The following LINGO2 variants were observed in gnomAD, a reference collection of about 807,000 sequenced individuals.
LINGO2 encodes the protein leucine rich repeat and Ig domain containing 2.
LINGO2 carries 14 observed loss-of-function variants against 30.6 expected under a neutral mutation model. That is an observed-to-expected ratio of 0.46 (90% CI 0.30 to 0.72). The LOEUF (loss-of-function observed/expected upper bound fraction) is 0.72. Among genes scored for constraint, LINGO2 ranks in the 30% least tolerant of loss-of-function variants. LINGO2 has a pLI of 0.07. For missense variants in LINGO2, 729 were observed against 751.7 expected, an observed-to-expected ratio of 0.97 and a Z score of 0.35; for synonymous variants, 317 against 288.5, an observed-to-expected ratio of 1.10 and a Z score of -1.00.
chr9:28,508,670 G>A (rs1179231664), intron 1 of LINGO2, among the ~76,000 whole-genome samples: 1 of 151,896 alleles, frequency 6.6e-6, no homozygotes, highest in East Asian at 1.9e-4. Flanking sequence ...CTAAGCAGAA[G>A]GTTGGTTATT....
At chr9:28,011,960 A>G (rs1415137538) in intron 5 of LINGO2, among the ~76,000 whole-genome samples, 1 of 150,704 alleles carries the variant, frequency 6.6e-6, no homozygotes, top group Non-Finnish European at 1.5e-5. Context: ...GGACAGTCAC[A>G]TTGTGTGGGT....
chr9:28,528,017 C>A (rs1015276779), intron 1 of LINGO2, among the ~76,000 whole-genome samples: 1 of 152,062 alleles, frequency 6.6e-6, no homozygotes, highest in Non-Finnish European at 1.5e-5. Flanking sequence ...TCAAAAATAT[C>A]CAATTTATTT....
chr9:28,568,438 T>C (rs1823504168), intron 1 of LINGO2, among the ~76,000 whole-genome samples: 1 of 152,044 alleles, frequency 6.6e-6, no homozygotes, highest in African/African-American at 2.4e-5. Flanking sequence ...CTAGTTTACC[T>C]ATATTATAAC....
chr9:28,278,309 T>C (rs1823201205), intron 4 of LINGO2, among the ~76,000 whole-genome samples: 1 of 152,204 alleles, frequency 6.6e-6, no homozygotes, highest in Non-Finnish European at 1.5e-5. Flanking sequence ...GTTAAGATCA[T>C]TGACAGAGAT....
At chr9:27,993,479 G>T (rs912399943) in intron 5 of LINGO2, among the ~76,000 whole-genome samples, 19 of 152,196 alleles carry the variant, frequency 1.2e-4, no homozygotes, top group African/African-American at 4.3e-4. Context: ...TGAGGCTACA[G>T]TGATTCATGA....
chr9:28,186,388 A>G (rs1162272274), intron 4 of LINGO2, among the ~76,000 whole-genome samples: 2 of 152,206 alleles, frequency 1.3e-5, no homozygotes, highest in African/African-American at 4.8e-5. Flanking sequence ...CATTCAGCAG[A>G]TACTTACAGA....
intron 4 of LINGO2, among the ~76,000 whole-genome samples, chr9:28,176,321 C>T (rs12237753): frequency 6.6e-6 from 1 of 152,174 alleles, no homozygotes; most frequent in Admixed American, 6.5e-5. Context: ...TCATTCCCAC[C>T]TGATCGACAA....
At chr9:28,948,536 T>C in the LINGO2 span, among the ~76,000 whole-genome samples, 3 of 152,202 alleles carry the variant, frequency 2.0e-5, no homozygotes, top group African/African-American at 7.2e-5. Flanking sequence ...CACAGATACA[T>C]ATATGCACAT....
At chr9:29,155,736 A>T in the LINGO2 span, among the ~76,000 whole-genome samples, 2 of 151,974 alleles carry the variant, frequency 1.3e-5, no homozygotes, top group Non-Finnish European at 2.9e-5. Flanking sequence ...AACTTTTAAA[A>T]CTCTGAAACA....
At chr9:28,552,142 C>T (rs911073262) in intron 1 of LINGO2, among the ~76,000 whole-genome samples, 12 of 151,812 alleles carry the variant, frequency 7.9e-5, no homozygotes, top group African/African-American at 2.9e-4. Flanking sequence ...ATAAATTTAC[C>T]TTGTTAAATC....
intron 4 of LINGO2, among the ~76,000 whole-genome samples, chr9:28,138,176 A>T (rs139903673): frequency 6.6e-6 from 1 of 152,206 alleles, no homozygotes; most frequent in African/African-American, 2.4e-5. Flanking sequence ...TCTTAGCTCC[A>T]TCTATCTCAA....
chr9:28,640,980 A>T (rs923940708), intron 1 of LINGO2, among the ~76,000 whole-genome samples: 1 of 152,144 alleles, frequency 6.6e-6, no homozygotes, highest in Non-Finnish European at 1.5e-5. Flanking sequence ...GTCTTTGATG[A>T]TGGTGACGTA....
At chr9:28,541,949 C>G (rs912664751) in intron 1 of LINGO2, among the ~76,000 whole-genome samples, 6 of 152,046 alleles carry the variant, frequency 3.9e-5, no homozygotes, top group African/African-American at 1.4e-4. Context: ...AGAGAAGCTG[C>G]CTCCATAATA....
intron 4 of LINGO2, among the ~76,000 whole-genome samples, chr9:28,167,878 G>A (rs1416853782): frequency 1.3e-5 from 2 of 152,194 alleles, no homozygotes; most frequent in African/African-American, 4.8e-5. Context: ...AATTCGATTG[G>A]GCACAGTAGT....
the LINGO2 span, among the ~76,000 whole-genome samples, chr9:28,880,232 T>C: frequency 2.0e-5 from 3 of 152,178 alleles, no homozygotes; most frequent in Non-Finnish European, 4.4e-5. Context: ...GAGATCTGAC[T>C]GTTACTGTGT....
intron 1 of LINGO2, among the ~76,000 whole-genome samples, chr9:28,477,460 T>C (rs1825775692): frequency 6.6e-6 from 1 of 152,176 alleles, no homozygotes; most frequent in South Asian, 2.1e-4. Flanking sequence ...AGGTATTCTA[T>C]TACCTTTCAA....
At chr9:28,215,329 T>G (rs1256056561) in intron 4 of LINGO2, among the ~76,000 whole-genome samples, 1 of 151,876 alleles carries the variant, frequency 6.6e-6, no homozygotes, top group Non-Finnish European at 1.5e-5. Flanking sequence ...GGGTAAAGTG[T>G]ATCTTATAAA....
chr9:28,662,013 C>A (rs561464103), intron 1 of LINGO2, among the ~76,000 whole-genome samples: 1 of 152,280 alleles, frequency 6.6e-6, no homozygotes, highest in East Asian at 1.9e-4. Flanking sequence ...ATGGAAATGG[C>A]ACTTTCAGAA....
the LINGO2 span, among the ~76,000 whole-genome samples, chr9:28,762,266 T>A: frequency 1.7e-4 from 26 of 151,976 alleles, no homozygotes; most frequent in Admixed American, 1.7e-3. Context: ...AACTTTAGTG[T>A]CATGGAGACG....
Sources: gnomAD v4.1 joint callset for allele counts (sites outside exome capture counted in the v4.1 genomes callset) on GRCh38, gnomAD v4.1.1 for gene constraint, MANE v1.5 for transcripts, NCBI Gene and HGNC (gene_info 2026-07-23, HGNC 2026-07-21) for gene names.